Variants in GDPD4 observed in about 807,000 individuals in gnomAD.
GDPD4 encodes glycerophosphodiester phosphodiesterase 6.
Under a neutral mutation model 67.8 loss-of-function variants are expected in GDPD4, and 60 were observed. That is an observed-to-expected ratio of 0.88 (90% CI 0.72 to 1.10). The LOEUF (loss-of-function observed/expected upper bound fraction) is 1.10, where lower values mean the gene tolerates loss of function less well. GDPD4 is among the 50% of genes least tolerant of loss of function. The pLI, the probability that GDPD4 is intolerant of heterozygous loss-of-function variation, is 0.00. For synonymous variants in GDPD4, 212 were observed against 210.9 expected (o/e 1.00, Z -0.04); for missense variants, 623 against 613.9 (o/e 1.01, Z -0.16).
chr11:77,295,098 GGGA>G (rs1937909676), intron 1 of GDPD4, among the ~76,000 whole-genome samples: 1 of 151,568 alleles, frequency 6.6e-6, no homozygotes, highest in African/African-American at 2.4e-5. Context: ...TTGAGTAGCG[GGGA>G]CTACAGGTGC....
intron 11 of GDPD4, among the ~76,000 whole-genome samples, chr11:77,247,620 T>C (rs2135847363): frequency 6.6e-6 from 1 of 152,286 alleles, no homozygotes; most frequent in Middle Eastern, 3.4e-3. Context: ...GAAAATAAAT[T>C]TCTGGTCCTC....
intron 16 of GDPD4, among the ~76,000 whole-genome samples, chr11:77,227,385 C>G (rs1958362629): frequency 6.6e-6 from 1 of 152,196 alleles, no homozygotes; most frequent in African/African-American, 2.4e-5. Context: ...CATAAAGCAC[C>G]TTCCCCCTAA....
intron 8 of GDPD4, 54 bp from the exon 9 acceptor site, chr11:77,269,123 GA>G: frequency 6.5e-7 from 1 of 1,534,604 alleles, no homozygotes; most frequent in Non-Finnish European, 9.0e-7. Context: ...AAGAGGGATG[GA>G]AAATCATCCC....
At chr11:77,231,606 GATTT>G (rs1318683718) in intron 14 of GDPD4, among the ~76,000 whole-genome samples, 1 of 152,072 alleles carries the variant, frequency 6.6e-6, no homozygotes. Context: ...GAATCACATG[GATTT>G]ATTCATTTAA....
rs566684514 is a variant in GDPD4, at chr11:77,288,879, C to T, written c.-253-1459G>A. 1.0e-3 allele frequency among the ~76,000 whole-genome samples: 153 copies of T among 152,130 alleles called. 1 individual carries two copies. The highest frequency in any genetic ancestry group is 2.0e-3 in the Admixed American group (30 of 15,282). ...AATATTAAATATACTCAATGAGATA[C>T]AAGAGAACACAGATAAATAATACAA... On this transcript the variant is annotated intron_variant, in intron 1 of 16. Coordinates refer to ENST00000315938, the MANE Select transcript of GDPD4 (RefSeq NM_182833.3).
chr11:77,246,829 T>G lies in GDPD4; in HGVS notation c.865-1327A>C, dbSNP rs114054213. On this transcript the variant is annotated intron_variant, in intron 11 of 16. Coordinates refer to ENST00000315938, the MANE Select transcript of GDPD4 (RefSeq NM_182833.3). ...AACGCACAGCATTTCACCTAACACA[T>G]GGGAGAACACACATATGTTTGCTAC... is the stretch of plus-strand genomic sequence containing the variant. 3.4e-3 allele frequency among the ~76,000 whole-genome samples: 520 copies of G among 152,260 alleles called. 3 individuals are homozygous for G. The highest frequency in any genetic ancestry group is 0.012 in the African/African-American group (484 of 41,552).
chr11:77,278,650 G>A (rs1422575168), intron 4 of GDPD4, among the ~76,000 whole-genome samples: 7 of 152,198 alleles, frequency 4.6e-5, no homozygotes, highest in African/African-American at 1.7e-4. Context: ...GAATTCAATA[G>A]AGAAAGGAAT....
At position 77,243,551 on chromosome 11, in the gene GDPD4, T is replaced by G. The variant is rs1958715215; in HGVS notation, c.1241+143A>C. ...AGGGAGGGAGGGAGGGAGGAAGGGG[T>G]AGGAAAAAGAAAGGAGATTCAAAGG... On this transcript the variant is annotated intron_variant, in intron 13 of 16. Coordinates refer to ENST00000315938, the MANE Select transcript of GDPD4 (RefSeq NM_182833.3). 6 of 680,946 alleles carry G rather than the reference T, an allele frequency of 8.8e-6. No individual in the cohort carries two copies. The African/African-American group carries it at 9.8e-5, about 11-fold the overall frequency. The allele number at this position is 680,946 out of a possible 1,614,324, so 42.2% of individuals were successfully genotyped here.
At chr11:77,247,246 A>G (rs1027697142) in intron 11 of GDPD4, among the ~76,000 whole-genome samples, 1 of 152,170 alleles carries the variant, frequency 6.6e-6, no homozygotes, top group Admixed American at 6.5e-5. Flanking sequence ...TTCTCAGGAC[A>G]ATAGAAATAT....
At chr11:77,279,078 A>C (rs1364139462) in intron 4 of GDPD4, among the ~76,000 whole-genome samples, 2 of 152,214 alleles carry the variant, frequency 1.3e-5, no homozygotes, top group Non-Finnish European at 2.9e-5. Context: ...AAAGGGCCAA[A>C]CTGGCAAGAC....
chr11:77,238,234 G>A (rs1958599228), intron 13 of GDPD4, among the ~76,000 whole-genome samples: 1 of 152,062 alleles, frequency 6.6e-6, no homozygotes, highest in African/African-American at 2.4e-5. Context: ...AGAACTAAAG[G>A]TGGCAATTGC....
intron 16 of GDPD4, among the ~76,000 whole-genome samples, chr11:77,218,011 T>G (rs1037570610): frequency 6.6e-6 from 1 of 152,066 alleles, no homozygotes; most frequent in African/African-American, 2.4e-5. Flanking sequence ...TTTAAAAGTT[T>G]TTTAGTTGTT....
chr11:77,245,145 T>C, intron 12 of GDPD4, 136 bp downstream of exon 12: 1 of 664,918 alleles, frequency 1.5e-6, no homozygotes, highest in South Asian at 1.9e-5. Context: ...TAAGTAACAA[T>C]CTTCATTTCC....
chr11:77,232,424 T>A (rs1222527635), intron 14 of GDPD4, among the ~76,000 whole-genome samples: 1 of 152,210 alleles, frequency 6.6e-6, no homozygotes, highest in Non-Finnish European at 1.5e-5. Context: ...TAGGGCTCCC[T>A]CCACAGATAG....
intron 7 of GDPD4, among the ~76,000 whole-genome samples, chr11:77,270,532 A>G (rs1959207188): frequency 6.6e-6 from 1 of 152,144 alleles, no homozygotes; most frequent in Non-Finnish European, 1.5e-5. Context: ...CCTGGCCAAC[A>G]TGGTAAAACC....
Position 77,285,125 on chromosome 11 carries a change from G to C in GDPD4, c.13C>G (p.Leu5Val). 1 of 1,611,784 alleles carries C rather than the reference G, an allele frequency of 6.2e-7. No individual in the cohort carries two copies. The highest frequency in any genetic ancestry group is 8.5e-7 in the Non-Finnish European group (1 of 1,178,194). MLLF[L>V]WIETSSEYFN... Reference sequence around the variant, plus strand: ...TATTCACTGGATGTTTCTATCCACAGGAACAGCAACATCAGAGACAAGACA... The same window carrying C: ...TATTCACTGGATGTTTCTATCCACACGAACAGCAACATCAGAGACAAGACA... Residue 5 changes from leucine (L) to valine (V), a missense_variant, in exon 3 of 17, where the codon CTG (leucine) becomes GTG (valine). By Grantham distance (32) the Leu-to-Val change is conservative. Coordinates refer to ENST00000315938, the MANE Select transcript of GDPD4 (RefSeq NM_182833.3).
At chr11:77,292,400 A>G (rs1299835430) in intron 1 of GDPD4, among the ~76,000 whole-genome samples, 2 of 152,146 alleles carry the variant, frequency 1.3e-5, no homozygotes, top group African/African-American at 4.8e-5. Flanking sequence ...AAACCTTTTG[A>G]ACTGAATAGA....
At chr11:77,290,223 C>T (rs995153465) in intron 1 of GDPD4, among the ~76,000 whole-genome samples, 1 of 152,092 alleles carries the variant, frequency 6.6e-6, no homozygotes, top group Non-Finnish European at 1.5e-5. Flanking sequence ...AAATCTTACA[C>T]GATAGGAGAG....
In GDPD4 at chr11:77,217,100, T is replaced by C. The variant is rs768462644; in HGVS notation, c.*177A>G. On this transcript the variant is annotated 3_prime_UTR_variant, in exon 17 of 17. Coordinates refer to ENST00000315938, the MANE Select transcript of GDPD4 (RefSeq NM_182833.3). Reference sequence around the variant, plus strand: ...TGGTTGAATCTCATGCTTGCCAGGCTTCAAAGGTGTGACAGCATTCTTGAT... The same window carrying C: ...TGGTTGAATCTCATGCTTGCCAGGCCTCAAAGGTGTGACAGCATTCTTGAT... 8.4e-6 allele frequency: 6 copies of C among 710,272 alleles called. No homozygotes were observed. The Admixed American group carries it at 1.2e-4, about 14-fold the overall frequency. The allele number at this position is 710,272 out of a possible 1,614,324, so 44.0% of individuals were successfully genotyped here. A position where few individuals can be genotyped will look rare whatever the true frequency, so the allele number is the denominator to read the frequency against.
Sources: allele counts gnomAD v4.1 joint callset (sites outside exome capture counted in the v4.1 genomes callset), GRCh38; gene constraint gnomAD v4.1.1; transcripts MANE v1.5; gene names NCBI Gene and HGNC (gene_info 2026-07-23, HGNC 2026-07-21).